The following DYNC1H1 variants were observed in gnomAD, a reference collection of about 807,000 sequenced individuals.
The protein encoded by DYNC1H1 is dynein cytoplasmic 1 heavy chain 1.
Under a neutral mutation model 527.1 loss-of-function variants are expected in DYNC1H1, and 51 were observed. That is an observed-to-expected ratio of 0.10 (90% CI 0.08 to 0.12). The LOEUF is 0.12. Among genes scored for constraint, DYNC1H1 ranks in the 10% least tolerant of loss-of-function variants. The pLI, the probability that DYNC1H1 is intolerant of heterozygous loss-of-function variation, is 1.00. For missense variants in DYNC1H1, 2,771 were observed against 5,971.8 expected, an observed-to-expected ratio of 0.46 and a Z score of 17.66; for synonymous variants, 2,189 against 2,278.8, an observed-to-expected ratio of 0.96 and a Z score of 1.12.
chr14:102,041,451 G>C lies in DYNC1H1; in HGVS notation c.11942-123G>C, dbSNP rs1014777797. Reference sequence around the variant, plus strand: ...CAGATGTGGCTGAATTTCCTGATTTGAGCTGATCCTGAAATGCTGAGCATT... The same window carrying C: ...CAGATGTGGCTGAATTTCCTGATTTCAGCTGATCCTGAAATGCTGAGCATT... On this transcript the variant is annotated intron_variant, in intron 64 of 77. Transcript: ENST00000360184. This position sits in a 1 kb window ranked among gnomAD's most constrained non-coding sequence, Gnocchi z 4.5. 36 of 1,513,064 alleles carry C rather than the reference G, an allele frequency of 2.4e-5. No individual in the cohort carries two copies. Among genetic ancestry groups the C allele is most frequent in the Non-Finnish European group, 2.8e-5 (31 of 1,097,650 alleles). 93.7% of individuals were successfully genotyped at this position (1,513,064 alleles called of 1,614,324 possible). A position where few individuals can be genotyped will look rare whatever the true frequency, so the allele number is the denominator to read the frequency against.
rs774198261 is a variant in DYNC1H1, at chr14:101,997,041, C to T, written c.3571C>T (p.Arg1191Cys). ...TATTTTTTAACTCTCAAAGCTCTAC[C>T]GCAATGGCCAGCGCTTACTGGAAAA... Reference protein sequence around the residue: ...KQFEKQVELYRNGQRLLEKQR... With the variant: ...KQFEKQVELYCNGQRLLEKQR... The change falls in exon 16 of 78, where the codon CGC becomes TGC. Residue 1191 changes from arginine (R) to cysteine (C), a missense_variant. Arg to Cys is a radical substitution (Grantham distance 180). Transcript: ENST00000360184. The surrounding 1 kb of genome is among the most constrained non-coding windows in gnomAD (Gnocchi z 4.8). The T allele has an allele frequency of 4.0e-5, 64 of 1,613,766 alleles. No homozygotes were observed. The highest frequency in any genetic ancestry group is 4.9e-5 in the Non-Finnish European group (58 of 1,179,914).
rs563508123 is a variant in DYNC1H1, at chr14:102,011,392, C to T, written c.6618+440C>T. 1 of 350,762 alleles carries T rather than the reference C, an allele frequency of 2.9e-6. No homozygotes were observed. The highest frequency in any genetic ancestry group is 5.5e-6 in the Non-Finnish European group (1 of 182,244). 21.7% of individuals were successfully genotyped at this position (350,762 alleles called of 1,614,324 possible). On this transcript the variant is annotated intron_variant, in intron 32 of 77. Transcript: ENST00000360184. The surrounding 1 kb of genome is among the most constrained non-coding windows in gnomAD (Gnocchi z 5.3). ...CTGTGTGTGTTTGGCCTGAGAGATG[C>T]TGTACGGGATTGAACACATAGCTCA...
rs1394653640 is a variant in DYNC1H1 at position 101,970,470 on chromosome 14, G to T, written c.257-5242G>T. Among the ~76,000 whole-genome samples, 129 of 96,260 alleles carry T rather than the reference G, an allele frequency of 1.3e-3. 2 individuals are homozygous for T. Among genetic ancestry groups the T allele is most frequent in the Non-Finnish European group, 1.8e-3 (89 of 49,654 alleles). 63.2% of individuals were successfully genotyped at this position (96,260 alleles called of 152,430 possible). A position where few individuals can be genotyped will look rare whatever the true frequency, so the allele number is the denominator to read the frequency against. On this transcript the variant is annotated intron_variant, in intron 1 of 77. Transcript: ENST00000360184. ...GTGGTATTAGTATGTTTGGTTTGTTGTTGTTTTTTTTTTTTTTTTTTTTTT... is the reference window on the plus strand; with the variant it reads ...GTGGTATTAGTATGTTTGGTTTGTTTTTGTTTTTTTTTTTTTTTTTTTTTT...
rs1199387431 is a variant in DYNC1H1, at chr14:102,054,458, A to G, written c.*3895A>G. The G allele has an allele frequency of 1.4e-5, 2 of 145,904 alleles. No homozygotes were observed. Among genetic ancestry groups the G allele is most frequent in the Admixed American group, 1.4e-4 (2 of 14,754 alleles). 9.0% of individuals were successfully genotyped at this position (145,904 alleles called of 1,614,324 possible). On this transcript the variant is annotated 3_prime_UTR_variant, in exon 78 of 78. Coordinates refer to ENST00000360184, the MANE Select transcript of DYNC1H1 (RefSeq NM_001376.5). ...CAAAGGTGCCCATTGCCTGTTCTCA[A>G]AGCAATGCACCTGAGAAGCAGTGGC...
chr14:101,993,569 ACT>A (rs1567002285), intron 11 of DYNC1H1, among the ~76,000 whole-genome samples: 1 of 151,896 alleles, frequency 6.6e-6, no homozygotes, highest in East Asian at 1.9e-4. Flanking sequence ...ATGCCGGTAG[ACT>A]CTTGCCCCTG....
At chr14:102,030,548 A>G (rs1195201331) in intron 51 of DYNC1H1, 5 of 452,878 alleles carry the variant, frequency 1.1e-5, no homozygotes, top group Admixed American at 7.3e-5. Context: ...CTTTGTGTCA[A>G]TATACGTTTT....
chr14:101,984,893 A>G (rs1382371916), intron 7 of DYNC1H1, among the ~76,000 whole-genome samples: 1 of 140,486 alleles, frequency 7.1e-6, no homozygotes, highest in Non-Finnish European at 1.5e-5. Context: ...AGATCGCGCC[A>G]CTGCATTCCA....
rs1046682185 is a variant in DYNC1H1 at position 102,054,548 on chromosome 14, C to T, written c.*3985C>T. On this transcript the variant is annotated 3_prime_UTR_variant, in exon 78 of 78. Transcript: ENST00000360184. Reference sequence around the variant, plus strand: ...ACACCAGTTACAACACCATCACCAACAGAGCCTTTGCAGAACTTTTTTTTT... The same window carrying T: ...ACACCAGTTACAACACCATCACCAATAGAGCCTTTGCAGAACTTTTTTTTT... 7 of 152,008 alleles carry T rather than the reference C, an allele frequency of 4.6e-5. No individual in the cohort carries two copies. Among genetic ancestry groups the T allele is most frequent in the African/African-American group, 1.7e-4 (7 of 40,720 alleles). The allele number at this position is 152,008 out of a possible 1,614,324, so 9.4% of individuals were successfully genotyped here. A position where few individuals can be genotyped will look rare whatever the true frequency, so the allele number is the denominator to read the frequency against.
chr14:102,022,859 G>A lies in DYNC1H1; in HGVS notation c.8616G>A (p.Leu2872=), dbSNP rs535192875. 16 of 1,614,232 alleles carry A rather than the reference G, an allele frequency of 9.9e-6. No individual in the cohort carries two copies. In the South Asian group the frequency reaches 1.4e-4, roughly 14 times the overall value. Residue 2872 remains leucine (L), a synonymous_variant, in exon 43 of 78, where the codon TTG becomes TTA. Coordinates refer to ENST00000360184, the MANE Select transcript of DYNC1H1 (RefSeq NM_001376.5). ...AGAAGGCAATGAGCCGACCCATCTT[G>A]TACAGCAACTGGCTGTCAAAGGTAG... ...DREKAMSRPI[L]YSNWLSKDYI...
chr14:102,038,805 A>G lies in DYNC1H1; in HGVS notation c.11163A>G (p.Arg3721=), dbSNP rs1320015523. 6.2e-7 allele frequency: 1 copy of G among 1,614,060 alleles called. No homozygotes were observed. Among genetic ancestry groups the G allele is most frequent in the Non-Finnish European group, 8.5e-7 (1 of 1,180,044 alleles). ...TAAATGAAGTACTTAAAGCAGAAAG[A>G]CCTGATGTGGACGAGAAACGATCTG... ...QCLNEVLKAE[R]PDVDEKRSDL... Residue 3721 remains arginine (R), a synonymous_variant, in exon 59 of 78, where the codon AGA becomes AGG. Transcript: ENST00000360184. This position sits in a 1 kb window ranked among gnomAD's most constrained non-coding sequence, Gnocchi z 7.2.
chr14:102,038,374 A>C lies in DYNC1H1; in HGVS notation c.10909-86A>C, dbSNP rs2048602563. 5 of 1,564,416 alleles carry C rather than the reference A, an allele frequency of 3.2e-6. No homozygotes were observed. In the South Asian group the frequency reaches 5.8e-5, roughly 18 times the overall value. On this transcript the variant is annotated intron_variant, in intron 57 of 77. Transcript: ENST00000360184. This position sits in a 1 kb window ranked among gnomAD's most constrained non-coding sequence, Gnocchi z 7.2. The stretch of plus-strand genomic sequence containing the variant: ...GGGTGGCTTTTGGGAAGGTATGCTT[A>C]TCCAGAGTAGGACAGCAACATAGCA...
At chr14:101,993,753 C>T (rs2048024991) in intron 11 of DYNC1H1, among the ~76,000 whole-genome samples, 1 of 152,212 alleles carries the variant, frequency 6.6e-6, no homozygotes, top group African/African-American at 2.4e-5. Flanking sequence ...CTCCTTCTCA[C>T]TCTTGCTCCG....
chr14:101,994,448 T>G, intron 12 of DYNC1H1, 124 bp downstream of exon 12: 10 of 1,468,258 alleles, frequency 6.8e-6, no homozygotes, highest in Non-Finnish European at 9.4e-6. Flanking sequence ...AGATACTATT[T>G]GCTGTTTCAA....
chr14:101,980,761 G>C (rs556280427), intron 5 of DYNC1H1, among the ~76,000 whole-genome samples: 107 of 152,290 alleles, frequency 7.0e-4, no homozygotes, highest in Non-Finnish European at 1.1e-3. Context: ...CCCTTCAGGG[G>C]ATTTAAGAAC....
At chr14:101,970,647 T>A (rs1370422998) in intron 1 of DYNC1H1, among the ~76,000 whole-genome samples, 1 of 152,024 alleles carries the variant, frequency 6.6e-6, no homozygotes, top group Admixed American at 6.6e-5. Flanking sequence ...CACGTCTAGC[T>A]AATTTTTGTA....
chr14:102,016,685 C>G lies in DYNC1H1; in HGVS notation c.7615-81C>G. 1 of 1,554,322 alleles carries G rather than the reference C, an allele frequency of 6.4e-7. No homozygotes were observed. Among genetic ancestry groups the G allele is most frequent in the Non-Finnish European group, 8.8e-7 (1 of 1,141,664 alleles). On this transcript the variant is annotated intron_variant, in intron 37 of 77. Transcript: ENST00000360184. The surrounding 1 kb of genome is among the most constrained non-coding windows in gnomAD (Gnocchi z 7.3). The stretch of plus-strand genomic sequence containing the variant: ...CAATTACTTCCTTGTTCTGAAAGTT[C>G]AAGTTTGTGTTCAGGTAAACAAACC...
At position 102,032,262 on chromosome 14, in the gene DYNC1H1, T is replaced by C; in HGVS notation, c.9884-10T>C. 1 of 1,613,462 alleles carries C rather than the reference T, an allele frequency of 6.2e-7. No individual in the cohort carries two copies. The highest frequency in any genetic ancestry group is 1.3e-5 in the African/African-American group (1 of 75,004). The stretch of plus-strand genomic sequence containing the variant: ...CCCATCGACCCTCATCCACTCCTGC[T>C]GCCACTCAGCTGTGAAGTCGATCAA... On this transcript the variant is annotated splice_polypyrimidine_tract_variant and intron_variant, in intron 51 of 77. Coordinates refer to ENST00000360184, the MANE Select transcript of DYNC1H1 (RefSeq NM_001376.5).
intron 1 of DYNC1H1, among the ~76,000 whole-genome samples, chr14:101,971,090 T>C (rs1268603114): frequency 9.4e-6 from 1 of 105,988 alleles, no homozygotes; most frequent in African/African-American, 5.2e-5. Flanking sequence ...TCATTCTTTT[T>C]TTTTTTTTTT....
rs1478366655 is a variant in DYNC1H1 at position 102,036,413 on chromosome 14, A to G, written c.10755-76A>G. ...AGCCTATCAATCAGGGTCTCTCATC[A>G]GGGACTCGGCTAACCGTGATCCTGT... On this transcript the variant is annotated intron_variant, in intron 56 of 77. Transcript: ENST00000360184. The surrounding 1 kb of genome is among the most constrained non-coding windows in gnomAD (Gnocchi z 5.6). 27 of 1,595,856 alleles carry G rather than the reference A, an allele frequency of 1.7e-5. No individual in the cohort carries two copies. The highest frequency in any genetic ancestry group is 2.3e-5 in the Non-Finnish European group (27 of 1,166,758).
Sources: gnomAD v4.1 joint callset for allele counts (sites outside exome capture counted in the v4.1 genomes callset) on GRCh38, gnomAD v4.1.1 for gene constraint, Gnocchi (gnomAD v3.1) non-coding constraint, MANE v1.5 for transcripts, NCBI Gene and HGNC (gene_info 2026-07-23, HGNC 2026-07-21) for gene names.